CCDC148: variants seen among roughly 807,000 people sequenced by gnomAD.
The protein encoded by CCDC148 is coiled-coil domain-containing protein 148.
In CCDC148, 89 loss-of-function variants were observed where a neutral mutation model predicts 85.7. The ratio of observed to expected loss-of-function variants is 1.04; its 90% CI spans 0.87 to 1.24. CCDC148 has a LOEUF of 1.24. CCDC148 is among the 50% of genes most tolerant of loss of function. The pLI, the probability that CCDC148 is intolerant of heterozygous loss-of-function variation, is 0.00. For missense variants in CCDC148, 692 were observed against 671.7 expected, an observed-to-expected ratio of 1.03 and a Z score of -0.33; for synonymous variants, 230 against 213.9, an observed-to-expected ratio of 1.08 and a Z score of -0.66.
In CCDC148 at chr2:158,401,723, A is replaced by C. The variant is rs541066048; in HGVS notation, c.26-43153T>G. Among the ~76,000 whole-genome samples the C allele has an allele frequency of 4.6e-5, 7 of 152,150 alleles. No individual in the cohort carries two copies. The South Asian group carries it at 1.4e-3, about 32-fold the overall frequency. ...TAATAAAAAGACTTGAAGCTAGAAA[A>C]TGTCAGAGGGAAAAGGGAAATGTCC... On this transcript the variant is annotated intron_variant, in intron 1 of 13. Transcript: ENST00000283233.
intron 7 of CCDC148, among the ~76,000 whole-genome samples, chr2:158,328,835 T>C (rs1036576558): frequency 1.3e-5 from 2 of 152,220 alleles, no homozygotes; most frequent in African/African-American, 2.4e-5. Context: ...TCTGTTCATA[T>C]CCTTCACCCA....
rs192518714 is a variant in CCDC148, at chr2:158,216,482, C to T, written c.1370+4113G>A. Among the ~76,000 whole-genome samples, 817 of 148,798 alleles carry T rather than the reference C, an allele frequency of 5.5e-3. 3 individuals carry two copies. Among genetic ancestry groups the T allele is most frequent in the Middle Eastern group, 0.021 (6 of 288 alleles). On this transcript the variant is annotated intron_variant, in intron 11 of 13. Coordinates refer to ENST00000283233, the MANE Select transcript of CCDC148 (RefSeq NM_138803.4). ...CATGATCTCGGCTCACTGCAACCTC[C>T]GCCTCCTGGGTTCAAGCAATTCTCC...
chr2:158,311,208 G>C (rs1399517244), intron 8 of CCDC148, among the ~76,000 whole-genome samples: 1 of 152,254 alleles, frequency 6.6e-6, no homozygotes, highest in South Asian at 2.1e-4. Flanking sequence ...GCCAAACTCC[G>C]TCTGCAATCC....
In CCDC148 at chr2:158,345,295, T is replaced by A; in HGVS notation, c.171A>T (p.Ser57=). 1 of 1,613,162 alleles carries A rather than the reference T, an allele frequency of 6.2e-7. No individual in the cohort carries two copies. The highest frequency in any genetic ancestry group is 1.1e-5 in the South Asian group (1 of 90,998). ...TTAGTGTTTGTTCTTTGGATAACTT[T>A]GAAGTCAACATTGCTTTTCTGATCT... ...KLKIRKAMLT[S]KLSKEQTLIK... is the part of the protein sequence containing the mutation. The change falls in exon 3 of 14, where the codon TCA becomes TCT. Residue 57 remains serine, a synonymous_variant. Transcript: ENST00000283233.
chr2:158,425,164 A>G (rs1687017304), intron 1 of CCDC148: 3 of 520,490 alleles, frequency 5.8e-6, no homozygotes, highest in Non-Finnish European at 1.2e-5. Flanking sequence ...TGTAGTGGCT[A>G]TGGCAGATAT....
At chr2:158,226,191 A>AT (rs1687510256) in intron 10 of CCDC148, among the ~76,000 whole-genome samples, 1 of 152,236 alleles carries the variant, frequency 6.6e-6, no homozygotes, top group African/African-American at 2.4e-5. Flanking sequence ...ATGCAAATAA[A>AT]CTAGAAAATC....
At chr2:158,225,199 A>C (rs1687436446) in intron 10 of CCDC148, among the ~76,000 whole-genome samples, 1 of 152,298 alleles carries the variant, frequency 6.6e-6, no homozygotes, top group Non-Finnish European at 1.5e-5. Flanking sequence ...AGATCAAAAG[A>C]GACAAAGAAG....
At chr2:158,381,600 C>A (rs1278849691) in intron 1 of CCDC148, among the ~76,000 whole-genome samples, 3 of 152,112 alleles carry the variant, frequency 2.0e-5, no homozygotes. Context: ...CTTTTATATA[C>A]TCAATAGAAA....
At chr2:158,328,170 C>T (rs1333092228) in intron 7 of CCDC148, among the ~76,000 whole-genome samples, 3 of 152,122 alleles carry the variant, frequency 2.0e-5, no homozygotes, top group Non-Finnish European at 4.4e-5. Context: ...CCCCTCCGCC[C>T]ACCCCACAAC....
At chr2:158,427,079 A>G (rs1181914040) in intron 1 of CCDC148, among the ~76,000 whole-genome samples, 1 of 152,208 alleles carries the variant, frequency 6.6e-6, no homozygotes, top group Non-Finnish European at 1.5e-5. Context: ...AAAAATAATA[A>G]AGAAATAATA....
intron 10 of CCDC148, chr2:158,235,614 T>C (rs1688067268): frequency 6.6e-6 from 1 of 152,224 alleles, no homozygotes; most frequent in Non-Finnish European, 1.5e-5. Flanking sequence ...ACTTTAACCA[T>C]GTTCAATTAC....
chr2:158,179,272 T>C (rs1208127710), intron 11 of CCDC148, among the ~76,000 whole-genome samples: 4 of 145,458 alleles, frequency 2.7e-5, no homozygotes, highest in Non-Finnish European at 6.0e-5. Flanking sequence ...AATTCTCCTG[T>C]CTCAGCCTCC....
intron 7 of CCDC148, among the ~76,000 whole-genome samples, chr2:158,314,960 A>G (rs1218318589): frequency 6.6e-6 from 1 of 152,214 alleles, no homozygotes; most frequent in African/African-American, 2.4e-5. Flanking sequence ...GGGAATTCCA[A>G]TGTTCTCATA....
chr2:158,335,897 G>A (rs1231369407), intron 7 of CCDC148, among the ~76,000 whole-genome samples: 1 of 152,108 alleles, frequency 6.6e-6, no homozygotes, highest in African/African-American at 2.4e-5. Flanking sequence ...TGGATCTAGA[G>A]ATGGAGTCAT....
intron 1 of CCDC148, among the ~76,000 whole-genome samples, chr2:158,392,206 T>G (rs1685338794): frequency 6.6e-6 from 1 of 152,160 alleles, no homozygotes; most frequent in African/African-American, 2.4e-5. Flanking sequence ...CAATATTTAC[T>G]GAGCATATAA....
intron 9 of CCDC148, among the ~76,000 whole-genome samples, chr2:158,273,851 CTG>C (rs1300912511): frequency 6.6e-6 from 1 of 152,136 alleles, no homozygotes; most frequent in African/African-American, 2.4e-5. Context: ...CCTTGCTACA[CTG>C]TGCCTCCCCC....
chr2:158,301,289 A>C (rs890278835), intron 9 of CCDC148, among the ~76,000 whole-genome samples: 1 of 152,252 alleles, frequency 6.6e-6, no homozygotes, highest in Non-Finnish European at 1.5e-5. Context: ...GATAGAAAAG[A>C]AGGGGCAGAT....
intron 7 of CCDC148, among the ~76,000 whole-genome samples, chr2:158,334,945 C>T (rs376691028): frequency 1.3e-5 from 2 of 152,202 alleles, no homozygotes; most frequent in Middle Eastern, 3.4e-3. Flanking sequence ...CAGATTAATT[C>T]CATGAGTCAT....
intron 11 of CCDC148, among the ~76,000 whole-genome samples, chr2:158,182,352 G>A (rs536040207): frequency 6.6e-6 from 1 of 152,178 alleles, no homozygotes; most frequent in Non-Finnish European, 1.5e-5. Context: ...GGGAAGTGAG[G>A]AGGATAAGTG....
Sources: allele counts gnomAD v4.1 joint callset (sites outside exome capture counted in the v4.1 genomes callset), GRCh38; gene constraint gnomAD v4.1.1; transcripts MANE v1.5; gene names NCBI Gene and HGNC (gene_info 2026-07-23, HGNC 2026-07-21).